PLPP3: variants seen among roughly 807,000 people sequenced by gnomAD.
PLPP3 encodes the protein PAP2 beta.
In PLPP3, 6 loss-of-function variants were observed where a neutral mutation model predicts 29.6. That is an observed-to-expected ratio of 0.20 (90% confidence interval 0.11 to 0.40). The LOEUF (loss-of-function observed/expected upper bound fraction) is 0.40, where lower values mean the gene tolerates loss of function less well. PLPP3 is among the 10% of genes least tolerant of loss of function. The pLI, the probability that PLPP3 is intolerant of heterozygous loss-of-function variation, is 1.00. For missense variants in PLPP3, 308 were observed against 407.7 expected (o/e 0.76, Z 2.11); for synonymous variants, 152 against 159.7 (o/e 0.95, Z 0.36).
intron 1 of PLPP3, among the ~76,000 whole-genome samples, chr1:56,570,009 C>T (rs976923598): frequency 2.6e-5 from 4 of 152,188 alleles, no homozygotes; most frequent in African/African-American, 9.7e-5. Flanking sequence ...AAAGTCATCA[C>T]TTATATAGTG....
At chr1:56,522,408 C>T (rs957075248) in intron 4 of PLPP3, among the ~76,000 whole-genome samples, 13 of 152,066 alleles carry the variant, frequency 8.5e-5, no homozygotes, top group African/African-American at 2.4e-4. Context: ...TTTTATAAAA[C>T]ATCGAAATTA....
chr1:56,530,865 C>A (rs1645883228), intron 2 of PLPP3, among the ~76,000 whole-genome samples: 1 of 152,298 alleles, frequency 6.6e-6, no homozygotes, highest in Middle Eastern at 3.4e-3. Context: ...TCCCTGAAAA[C>A]ACTTCATTGT....
At position 56,524,438 on chromosome 1, in the gene PLPP3, G is replaced by C. The variant is rs1645839314; in HGVS notation, c.414C>G (p.Ala138=). 6.2e-7 allele frequency: 1 copy of C among 1,614,104 alleles called. No homozygotes were observed. The highest frequency in any genetic ancestry group is 8.5e-7 in the Non-Finnish European group (1 of 1,179,968). ...CAATGTCTGTGAAAGACTGGCTGAT[G>C]GCACAGCCAAAGAGGAAGCAGCCCA... ...KQVGCFLFGC[A]ISQSFTDIAK... is the part of the protein sequence containing the mutation. Residue 138 remains alanine, a synonymous_variant, in exon 3 of 6, where the codon GCC becomes GCG. Coordinates refer to ENST00000371250, the MANE Select transcript of PLPP3 (RefSeq NM_003713.5). This position sits in a 1 kb window ranked among gnomAD's most constrained non-coding sequence, Gnocchi z 4.3.
intron 2 of PLPP3, among the ~76,000 whole-genome samples, chr1:56,536,430 C>T (rs1645927375): frequency 6.6e-6 from 1 of 152,132 alleles, no homozygotes; most frequent in Admixed American, 6.5e-5. Flanking sequence ...CCTTCCCCCT[C>T]CCCAAATTCA....
chr1:56,555,146 C>T (rs1392731224), intron 1 of PLPP3, among the ~76,000 whole-genome samples: 2 of 152,008 alleles, frequency 1.3e-5, no homozygotes, highest in African/African-American at 2.4e-5. Context: ...CTCCGAGGAA[C>T]ACCACTCACA....
chr1:56,560,086 C>T (rs1201276935), intron 1 of PLPP3, among the ~76,000 whole-genome samples: 1 of 152,182 alleles, frequency 6.6e-6, no homozygotes, highest in Admixed American at 6.5e-5. Flanking sequence ...ATCCCTTCAA[C>T]TCGGCTACCT....
intron 1 of PLPP3, among the ~76,000 whole-genome samples, chr1:56,562,029 C>T (rs569542041): frequency 8.4e-5 from 8 of 95,272 alleles, no homozygotes; most frequent in East Asian, 3.3e-4. Flanking sequence ...AGCAAGACTC[C>T]GTTTCACAAA....
chr1:56,549,347 G>C (rs1646024144), intron 1 of PLPP3, among the ~76,000 whole-genome samples: 1 of 152,152 alleles, frequency 6.6e-6, no homozygotes, highest in Non-Finnish European at 1.5e-5. Context: ...AGAAATGTCT[G>C]ATATCAGTAA....
In PLPP3 at chr1:56,537,035, T is replaced by C; in HGVS notation, c.217A>G (p.Ile73Val). ...HRGFYCNDESIKYPLKTGETI... is the reference protein window; with the variant it reads ...HRGFYCNDESVKYPLKTGETI... ...TCACCAGTTTTCAGTGGGTACTTGATGCTCTCATCATTGCAGTAAAACCCT... is the reference window on the plus strand; with the variant it reads ...TCACCAGTTTTCAGTGGGTACTTGACGCTCTCATCATTGCAGTAAAACCCT... The change falls in exon 2 of 6, where the codon ATC (isoleucine) becomes GTC (valine). Residue 73 changes from isoleucine (I) to valine (V), a missense_variant. Coordinates refer to ENST00000371250, the MANE Select transcript of PLPP3 (RefSeq NM_003713.5). 1 of 1,613,744 alleles carries C rather than the reference T, an allele frequency of 6.2e-7. No homozygotes were observed. Among genetic ancestry groups the C allele is most frequent in the Non-Finnish European group, 8.5e-7 (1 of 1,179,828 alleles).
chr1:56,552,439 A>T (rs1646046325), intron 1 of PLPP3, among the ~76,000 whole-genome samples: 1 of 152,208 alleles, frequency 6.6e-6, no homozygotes, highest in African/African-American at 2.4e-5. Flanking sequence ...AAATTGATAT[A>T]TAATTTACAT....
intron 5 of PLPP3, among the ~76,000 whole-genome samples, chr1:56,507,496 C>T (rs749026463): frequency 6.6e-6 from 1 of 152,100 alleles, no homozygotes; most frequent in Admixed American, 6.6e-5. Flanking sequence ...AAGGCACCCA[C>T]AATCTAGCTG....
chr1:56,554,059 C>T (rs547664028), intron 1 of PLPP3, among the ~76,000 whole-genome samples: 4 of 146,876 alleles, frequency 2.7e-5, no homozygotes, highest in Non-Finnish European at 4.4e-5. Flanking sequence ...GCTTTTCCCC[C>T]CCACTTTGGC....
intron 1 of PLPP3, among the ~76,000 whole-genome samples, chr1:56,565,453 C>T (rs546797615): frequency 1.3e-3 from 192 of 152,112 alleles, no homozygotes; most frequent in Non-Finnish European, 2.2e-3. Context: ...CAGAGTCTCC[C>T]TCTGTTGCCC....
rs75201230 is a variant in PLPP3 at position 56,529,529 on chromosome 1, G to A, written c.298-4975C>T. On this transcript the variant is annotated intron_variant, in intron 2 of 5. Coordinates refer to ENST00000371250, the MANE Select transcript of PLPP3 (RefSeq NM_003713.5). ...AACAAACTGTTGATGATGGAGAATCGTGAAGGGAGAATCACATTTCTCACT... is the reference window on the plus strand; with the variant it reads ...AACAAACTGTTGATGATGGAGAATCATGAAGGGAGAATCACATTTCTCACT... Among the ~76,000 whole-genome samples, 3 of 152,118 alleles carry A rather than the reference G, an allele frequency of 2.0e-5. No homozygotes were observed. In the South Asian group the frequency reaches 6.2e-4, roughly 32 times the overall value.
chr1:56,528,613 G>T (rs917038071), intron 2 of PLPP3, among the ~76,000 whole-genome samples: 6 of 151,960 alleles, frequency 3.9e-5, no homozygotes, highest in African/African-American at 1.2e-4. Context: ...TATGTCAATC[G>T]CCTGGCACCT....
intron 4 of PLPP3, 198 bp from the exon 5 acceptor site, chr1:56,512,350 G>T: frequency 1.9e-6 from 1 of 520,568 alleles, no homozygotes; most frequent in Non-Finnish European, 3.3e-6. Flanking sequence ...GGTGGCTCAC[G>T]TCTGTAATCC....
Position 56,524,694 on chromosome 1 carries a change from G to A in PLPP3, c.298-140C>T. The A allele has an allele frequency of 9.6e-7, 1 of 1,038,228 alleles. No homozygotes were observed. The highest frequency in any genetic ancestry group is 1.4e-6 in the Non-Finnish European group (1 of 723,026). 64.3% of individuals were successfully genotyped at this position (1,038,228 alleles called of 1,614,324 possible). On this transcript the variant is annotated intron_variant, in intron 2 of 5. Coordinates refer to ENST00000371250, the MANE Select transcript of PLPP3 (RefSeq NM_003713.5). This position sits in a 1 kb window ranked among gnomAD's most constrained non-coding sequence, Gnocchi z 4.3. ...TAATTTTCTATTTATGAAATATACA[G>A]ACACAAATATGCACAGAAGAAAAGA...
intron 1 of PLPP3, among the ~76,000 whole-genome samples, chr1:56,561,265 C>A (rs1646126241): frequency 6.6e-6 from 1 of 151,684 alleles, no homozygotes; most frequent in Admixed American, 6.6e-5. Context: ...ATGGTTAGCA[C>A]AAATTTTGTT....
At chr1:56,518,490 CA>C (rs1470857028) in intron 4 of PLPP3, among the ~76,000 whole-genome samples, 1 of 152,086 alleles carries the variant, frequency 6.6e-6, no homozygotes, top group East Asian at 1.9e-4. Context: ...AGGCCCTTAG[CA>C]ATCTATCAAG....
Sources: allele counts gnomAD v4.1 joint callset (sites outside exome capture counted in the v4.1 genomes callset), GRCh38; gene constraint gnomAD v4.1.1; non-coding constraint Gnocchi (gnomAD v3.1); transcripts MANE v1.5; gene names NCBI Gene and HGNC (gene_info 2026-07-23, HGNC 2026-07-21).